Variants in SLC38A10 observed in about 807,000 individuals in gnomAD.
SLC38A10 encodes the protein Sodium-coupled neutral amino acid transporter 10.
Under a neutral mutation model 81.0 loss-of-function variants are expected in SLC38A10, and 53 were observed. The ratio of observed to expected loss-of-function variants is 0.65; its 90% CI spans 0.53 to 0.82. The LOEUF (loss-of-function observed/expected upper bound fraction) is 0.82, where lower values mean the gene tolerates loss of function less well. Ranked by LOEUF, SLC38A10 falls within the 40% of genes least tolerant of loss-of-function variation. The pLI is 0.00. For missense variants in SLC38A10, 1,471 were observed against 1,545.0 expected (o/e 0.95, Z 0.80); for synonymous variants, 665 against 655.3 (o/e 1.01, Z -0.23).
At chr17:81,250,525 C>T (rs1200500628) in intron 14 of SLC38A10, among the ~76,000 whole-genome samples, 2 of 152,184 alleles carry the variant, frequency 1.3e-5, no homozygotes, top group Admixed American at 6.5e-5. Context: ...CACACCTGCT[C>T]CCAGGGGCTT....
intron 2 of SLC38A10, chr17:81,285,178 T>C (rs896914880): frequency 6.3e-6 from 2 of 318,472 alleles, no homozygotes; most frequent in African/African-American, 4.3e-5. Context: ...GTCCCTGCGA[T>C]GCAGTCCTCC....
At chr17:81,247,749 G>C (rs1373854293) in intron 14 of SLC38A10, 1 of 151,964 alleles carries the variant, frequency 6.6e-6, no homozygotes, top group African/African-American at 2.4e-5. Context: ...GCAGAGGCCA[G>C]AGGATCATTT....
At chr17:81,280,080 G>C (rs544395532) in intron 6 of SLC38A10, 1 of 435,832 alleles carries the variant, frequency 2.3e-6, no homozygotes, top group Non-Finnish European at 4.7e-6. Context: ...AACCGGGCAC[G>C]AATCACTCGC....
chr17:81,279,725 T>A (rs554162504), intron 6 of SLC38A10: 1 of 154,840 alleles, frequency 6.5e-6, no homozygotes, highest in South Asian at 1.9e-4. Context: ...TTTCTAAATA[T>A]GCAAACACGC....
intron 10 of SLC38A10, chr17:81,264,043 C>G (rs1232361822): frequency 6.6e-6 from 1 of 152,292 alleles, no homozygotes; most frequent in Non-Finnish European, 1.5e-5. Flanking sequence ...GGGTGCCAGG[C>G]TCCCCCGTGC....
chr17:81,255,435 C>T (rs1160639254), intron 11 of SLC38A10, among the ~76,000 whole-genome samples: 5 of 152,198 alleles, frequency 3.3e-5, no homozygotes, highest in Non-Finnish European at 7.3e-5. Context: ...TGCTGCCAGC[C>T]GCTTCCACTC....
chr17:81,282,173 C>T lies in SLC38A10; in HGVS notation c.501+16G>A, dbSNP rs192623375. Reference sequence around the variant, plus strand: ...AGCAGCCTTTCAGCGGGTACCCACGCGCGCTGCCGACTCACCACGAACATG... The same window carrying T: ...AGCAGCCTTTCAGCGGGTACCCACGTGCGCTGCCGACTCACCACGAACATG... On this transcript the variant is annotated intron_variant, in intron 5 of 15. Transcript: ENST00000374759. The T allele has an allele frequency of 5.1e-4, 816 of 1,612,346 alleles. 3 individuals are homozygous for T. In the African/African-American group the frequency reaches 9.2e-3, roughly 18 times the overall value.
rs989458970 is a variant in SLC38A10 at position 81,253,534 on chromosome 17, C to T, written c.1289-294G>A. On this transcript the variant is annotated intron_variant, in intron 11 of 15. Transcript: ENST00000374759. The surrounding 1 kb of genome is among the most constrained non-coding windows in gnomAD (Gnocchi z 4.1). The stretch of plus-strand genomic sequence containing the variant: ...CGGCACGAGCCCACCGACCCACTCT[C>T]CCACAGTCCCCTCCATTACCATCAC... Among the ~76,000 whole-genome samples, 4 of 152,102 alleles carry T rather than the reference C, an allele frequency of 2.6e-5. No individual in the cohort carries two copies. The highest frequency in any genetic ancestry group is 9.7e-5 in the African/African-American group (4 of 41,400).
rs764927424 is a variant in SLC38A10 at position 81,284,839 on chromosome 17, G to A, written c.263+11C>T. On this transcript the variant is annotated intron_variant, in intron 3 of 15. Coordinates refer to ENST00000374759, the MANE Select transcript of SLC38A10 (RefSeq NM_001037984.3). ...GGTGGGGGGCAAGCGCAGCGGCAGG[G>A]CGGGGCTTACCTGGTCTCCACCAGC... 8 of 1,536,782 alleles carry A rather than the reference G, an allele frequency of 5.2e-6. No individual in the cohort carries two copies. In the South Asian group the frequency reaches 9.7e-5, roughly 19 times the overall value.
chr17:81,272,603 CT>C lies in SLC38A10; in HGVS notation c.936del (p.Gly314AlafsTer51). 6.4e-7 allele frequency: 1 copy of C among 1,558,452 alleles called. No homozygotes were observed. The highest frequency in any genetic ancestry group is 8.6e-7 in the Non-Finnish European group (1 of 1,157,578). On this transcript the variant is annotated frameshift_variant, in exon 9 of 16. Coordinates refer to ENST00000374759, the MANE Select transcript of SLC38A10 (RefSeq NM_001037984.3). LOFTEE classifies it high-confidence loss of function. The part of the protein sequence containing the change: ...EQQQKDGTFA[A>X]GGYMPPLRFK... ...AACCGGAGAGGGGGCATGTAGCCCC[CT>C]GCTGCAAAGGTGCCATCTTTTTGCT...
intron 11 of SLC38A10, among the ~76,000 whole-genome samples, chr17:81,254,127 A>G (rs1025580974): frequency 6.6e-6 from 1 of 152,224 alleles, no homozygotes; most frequent in African/African-American, 2.4e-5. Context: ...GCAAGGCCAT[A>G]TGTCCACTGA....
chr17:81,270,904 C>G lies in SLC38A10; in HGVS notation c.1131+14G>C. ...ATCAGCCCTCGTCCAGGCCACCCCA[C>G]GAGCAGCACGCACCTGGGAGGAAAG... On this transcript the variant is annotated intron_variant, in intron 10 of 15. Transcript: ENST00000374759. The surrounding 1 kb of genome is among the most constrained non-coding windows in gnomAD (Gnocchi z 4.0). 5.6e-6 allele frequency: 9 copies of G among 1,611,418 alleles called. No homozygotes were observed. The highest frequency in any genetic ancestry group is 5.1e-6 in the Non-Finnish European group (6 of 1,177,816).
In SLC38A10 at chr17:81,252,631, G is replaced by C; in HGVS notation, c.1509C>G (p.His503Gln). The C allele has an allele frequency of 6.2e-7, 1 of 1,612,220 alleles. No homozygotes were observed. Among genetic ancestry groups the C allele is most frequent in the Non-Finnish European group, 8.5e-7 (1 of 1,179,956 alleles). ...GGCCTTCATCTACCACCACCTTGTC[G>C]TGAGGAACAGGAGGCTCGTGGCGGT... ...EAHRHEPPVP[H>Q]DKVVVDEGQD... The change falls in exon 13 of 16, where the codon CAC (histidine) becomes CAG (glutamine). Residue 503 changes from histidine (H) to glutamine (Q), a missense_variant. Coordinates refer to ENST00000374759, the MANE Select transcript of SLC38A10 (RefSeq NM_001037984.3).
At chr17:81,250,978 G>C in intron 14 of SLC38A10, 1 of 1,329,472 alleles carries the variant, frequency 7.5e-7, no homozygotes, top group South Asian at 2.2e-5. Flanking sequence ...GCCGAGCTCC[G>C]AGGCCCGAGG....
chr17:81,246,460 T>C lies in SLC38A10; in HGVS notation c.2456A>G (p.Asp819Gly). The change falls in exon 16 of 16, where the codon GAC becomes GGC. Residue 819 changes from aspartate to glycine, a missense_variant. Transcript: ENST00000374759. Reference protein sequence around the residue: ...PVGRDPAGPPDGGPDTEPRAA... With the variant: ...PVGRDPAGPPGGGPDTEPRAA... Reference sequence around the variant, plus strand: ...CCGAGGCTCTGTGTCAGGGCCGCCGTCAGGAGGGCCAGCAGGGTCTCTGCC... The same window carrying C: ...CCGAGGCTCTGTGTCAGGGCCGCCGCCAGGAGGGCCAGCAGGGTCTCTGCC... 1 of 1,581,872 alleles carries C rather than the reference T, an allele frequency of 6.3e-7. No individual in the cohort carries two copies. Among genetic ancestry groups the C allele is most frequent in the Non-Finnish European group, 8.6e-7 (1 of 1,164,820 alleles).
At chr17:81,254,061 A>G (rs1243879266) in intron 11 of SLC38A10, among the ~76,000 whole-genome samples, 3 of 151,918 alleles carry the variant, frequency 2.0e-5, no homozygotes, top group South Asian at 2.1e-4. Flanking sequence ...CACCTCCATC[A>G]TCGTCGTCAC....
intron 8 of SLC38A10, among the ~76,000 whole-genome samples, chr17:81,273,448 C>T (rs1356086522): frequency 8.5e-5 from 13 of 152,220 alleles, no homozygotes; most frequent in Admixed American, 5.2e-4. Flanking sequence ...GAAGCATCTC[C>T]TCATCCAGCC....
intron 11 of SLC38A10, among the ~76,000 whole-genome samples, chr17:81,259,696 C>T (rs1327284810): frequency 4.6e-5 from 7 of 152,098 alleles, no homozygotes; most frequent in South Asian, 2.1e-4. Flanking sequence ...GCGCTGCGGC[C>T]GGGACTCTGC....
chr17:81,260,791 G>A (rs149456247), intron 10 of SLC38A10, among the ~76,000 whole-genome samples: 11 of 152,338 alleles, frequency 7.2e-5, no homozygotes, highest in Non-Finnish European at 1.3e-4. Flanking sequence ...GAAGCTGAAG[G>A]TACGTGACGA....
Sources: allele counts gnomAD v4.1 joint callset (sites outside exome capture counted in the v4.1 genomes callset), GRCh38; gene constraint gnomAD v4.1.1; non-coding constraint Gnocchi (gnomAD v3.1); transcripts MANE v1.5; gene names NCBI Gene and HGNC (gene_info 2026-07-23, HGNC 2026-07-21).